Variants in DSCAM observed in about 807,000 individuals in gnomAD.
The protein encoded by DSCAM is cell adhesion molecule DSCAM.
In DSCAM, 47 loss-of-function variants were observed where a neutral mutation model predicts 217.7. The observed-to-expected ratio is 0.22, with a 90% CI of 0.17 to 0.28. The LOEUF (loss-of-function observed/expected upper bound fraction) is 0.28. Ranked by LOEUF, DSCAM falls within the 10% of genes least tolerant of loss-of-function variation. The pLI, the probability that DSCAM is intolerant of heterozygous loss-of-function variation, is 1.00. For synonymous variants in DSCAM, 1,056 were observed against 1,015.3 expected, an observed-to-expected ratio of 1.04 and a Z score of -0.76; for missense variants, 2,080 against 2,618.3, an observed-to-expected ratio of 0.79 and a Z score of 4.49.
intron 1 of DSCAM, among the ~76,000 whole-genome samples, chr21:40,745,153 A>C (rs956448654): frequency 2.0e-5 from 3 of 152,198 alleles, no homozygotes; most frequent in African/African-American, 7.2e-5. Flanking sequence ...GCCTATGAGA[A>C]TTATGAGATA....
intron 1 of DSCAM, among the ~76,000 whole-genome samples, chr21:40,804,357 C>T (rs755481628): frequency 6.6e-6 from 1 of 152,170 alleles, no homozygotes; most frequent in African/African-American, 2.4e-5. Flanking sequence ...TTCCGCATTC[C>T]AACCTTTCCC....
In DSCAM at chr21:40,843,809, T is replaced by C. The variant is rs927837873; in HGVS notation, c.43+2810A>G. On this transcript the variant is annotated intron_variant, in intron 1 of 32. Coordinates refer to ENST00000400454, the MANE Select transcript of DSCAM (RefSeq NM_001389.5). Reference sequence around the variant, plus strand: ...CTTCTTCTTTTTTTTTTTTTTTTTTTCAAAAATACTGCCTGCAGCCTGTCT... The same window carrying C: ...CTTCTTCTTTTTTTTTTTTTTTTTTCCAAAAATACTGCCTGCAGCCTGTCT... Among the ~76,000 whole-genome samples, 14 of 135,784 alleles carry C rather than the reference T, an allele frequency of 1.0e-4. No homozygotes were observed. The Middle Eastern group carries it at 0.011, about 108-fold the overall frequency. The allele number at this position is 135,784 out of a possible 152,430, so 89.1% of individuals were successfully genotyped here.
chr21:40,605,058 T>C (rs917458328), intron 3 of DSCAM, among the ~76,000 whole-genome samples: 1 of 152,166 alleles, frequency 6.6e-6, no homozygotes, highest in Non-Finnish European at 1.5e-5. Flanking sequence ...CTTCCCATGC[T>C]CAGAACTGGA....
At chr21:40,594,894 T>C (rs1203916063) in intron 3 of DSCAM, among the ~76,000 whole-genome samples, 1 of 152,130 alleles carries the variant, frequency 6.6e-6, no homozygotes, top group Admixed American at 6.5e-5. Context: ...CTTGAGAATG[T>C]TTCATGCTCT....
At chr21:40,525,224 C>T (rs77466690) in intron 3 of DSCAM, among the ~76,000 whole-genome samples, 3,358 of 152,126 alleles carry the variant, frequency 0.022, 122 homozygotes, top group African/African-American at 0.076. Flanking sequence ...TAATTCATGG[C>T]AAGTATATAC....
Position 40,369,329 on chromosome 21 carries a change from T to G in DSCAM, c.509-84A>C. On this transcript the variant is annotated intron_variant, in intron 3 of 32. Coordinates refer to ENST00000400454, the MANE Select transcript of DSCAM (RefSeq NM_001389.5). ...AGACAAAGTCCTTAAACAGTTTTTT[T>G]TTTCCCCCACCTGAAGAAACTTAAT... The G allele has an allele frequency of 1.1e-5, 16 of 1,420,970 alleles. No homozygotes were observed. The South Asian group carries it at 2.0e-4, about 18-fold the overall frequency. The allele number at this position is 1,420,970 out of a possible 1,614,324, so 88.0% of individuals were successfully genotyped here.
At chr21:40,711,805 G>A (rs185379858) in intron 1 of DSCAM, among the ~76,000 whole-genome samples, 1 of 152,242 alleles carries the variant, frequency 6.6e-6, no homozygotes, top group East Asian at 1.9e-4. Flanking sequence ...GAGCTTTGCA[G>A]AGAAGCTTCT....
At chr21:40,151,513 A>G (rs1160165895) in intron 16 of DSCAM, among the ~76,000 whole-genome samples, 2 of 152,360 alleles carry the variant, frequency 1.3e-5, no homozygotes, top group Admixed American at 6.5e-5. Context: ...CGGGGCTTCA[A>G]CACTGTGGAT....
chr21:40,361,445 CCT>C (rs2074764352), intron 4 of DSCAM, among the ~76,000 whole-genome samples: 1 of 152,042 alleles, frequency 6.6e-6, no homozygotes, highest in Admixed American at 6.5e-5. Context: ...ATGGTGAAAC[CCT>C]GTCTCTACTA....
At chr21:40,745,955 C>A (rs2091169896) in intron 1 of DSCAM, among the ~76,000 whole-genome samples, 1 of 151,904 alleles carries the variant, frequency 6.6e-6, no homozygotes, top group African/African-American at 2.4e-5. Context: ...CTTTAATTTG[C>A]AGTCAAAGTT....
intron 3 of DSCAM, among the ~76,000 whole-genome samples, chr21:40,468,132 T>A (rs1259224667): frequency 6.6e-6 from 1 of 152,208 alleles, no homozygotes; most frequent in African/African-American, 2.4e-5. Flanking sequence ...AATGCACATC[T>A]GATTTGCTTC....
intron 3 of DSCAM, among the ~76,000 whole-genome samples, chr21:40,466,283 G>T (rs1187892176): frequency 6.6e-6 from 1 of 152,296 alleles, no homozygotes; most frequent in East Asian, 1.9e-4. Context: ...GACCTCTCAT[G>T]CCAATATCAC....
At chr21:40,128,068 G>A (rs372709723) in intron 19 of DSCAM, among the ~76,000 whole-genome samples, 24 of 151,520 alleles carry the variant, frequency 1.6e-4, no homozygotes, top group African/African-American at 5.8e-4. Flanking sequence ...GGTCAGGTCA[G>A]GGCTCCCATG....
chr21:40,743,278 A>G (rs2091142310), intron 1 of DSCAM, among the ~76,000 whole-genome samples: 1 of 152,198 alleles, frequency 6.6e-6, no homozygotes, highest in South Asian at 2.1e-4. Flanking sequence ...ATGGTAAAAT[A>G]CCACTAATAG....
chr21:40,073,286 T>A (rs1443944285), intron 27 of DSCAM, among the ~76,000 whole-genome samples: 1 of 152,172 alleles, frequency 6.6e-6, no homozygotes, highest in African/African-American at 2.4e-5. Context: ...ATTACCTAGA[T>A]GCTTAACTCT....
intron 19 of DSCAM, among the ~76,000 whole-genome samples, 159 bp downstream of exon 19, chr21:40,133,695 G>A (rs2090177708): frequency 6.6e-6 from 1 of 152,204 alleles, no homozygotes; most frequent in South Asian, 2.1e-4. Flanking sequence ...AAAGGCAAGA[G>A]AGGAAGTTAA....
At chr21:40,392,256 G>A (rs531658283) in intron 3 of DSCAM, among the ~76,000 whole-genome samples, 2 of 152,144 alleles carry the variant, frequency 1.3e-5, no homozygotes, top group East Asian at 3.9e-4. Context: ...TTTATGTACA[G>A]GTATTAAGAA....
At chr21:40,247,862 C>T (rs978265508) in intron 11 of DSCAM, among the ~76,000 whole-genome samples, 1 of 152,226 alleles carries the variant, frequency 6.6e-6, no homozygotes, top group Non-Finnish European at 1.5e-5. Flanking sequence ...TCCATGAGGA[C>T]CATGCCCCTG....
intron 3 of DSCAM, among the ~76,000 whole-genome samples, chr21:40,486,854 T>C (rs139100788): frequency 0.017 from 2,546 of 152,246 alleles, 25 homozygotes; most frequent in Middle Eastern, 0.065. Flanking sequence ...TTGACATTTG[T>C]AGGACACCTG....
Sources: allele counts gnomAD v4.1 joint callset (sites outside exome capture counted in the v4.1 genomes callset), GRCh38; gene constraint gnomAD v4.1.1; transcripts MANE v1.5; gene names NCBI Gene and HGNC (gene_info 2026-07-23, HGNC 2026-07-21).